The following HNRNPM variants were observed in gnomAD, a reference collection of about 807,000 sequenced individuals.
HNRNPM encodes the protein heterogeneous nuclear ribonucleoprotein M.
In HNRNPM, 11 loss-of-function variants were observed where a neutral mutation model predicts 73.1. The ratio of observed to expected loss-of-function variants is 0.15; its 90% confidence interval spans 0.09 to 0.25. HNRNPM has a LOEUF of 0.25. Among genes scored for constraint, HNRNPM ranks in the 10% least tolerant of loss-of-function variants. The pLI is 1.00. For synonymous variants in HNRNPM, 407 were observed against 355.2 expected, an observed-to-expected ratio of 1.15 and a Z score of -1.64; for missense variants, 789 against 1,067.9, an observed-to-expected ratio of 0.74 and a Z score of 3.64.
chr19:8,455,477 G>C lies in HNRNPM; in HGVS notation c.186G>C (p.Glu62Asp). ...KNIKRGGNRF[E>D]PYANPTKRYR... ...TAAAAAGAGGAGGCAATCGCTTTGAGCCATATGCCAATCCAACTAAAAGAT... is the reference window on the plus strand; with the variant it reads ...TAAAAAGAGGAGGCAATCGCTTTGACCCATATGCCAATCCAACTAAAAGAT... The change falls in exon 2 of 16, where the codon GAG (glutamate) becomes GAC (aspartate). Residue 62 changes from glutamate (E) to aspartate (D), a missense_variant. Physicochemically the swap from Glu to Asp is conservative, Grantham distance 45. Transcript: ENST00000325495. 1 of 1,613,768 alleles carries C rather than the reference G, an allele frequency of 6.2e-7. No individual in the cohort carries two copies. Among genetic ancestry groups the C allele is most frequent in the Non-Finnish European group, 8.5e-7 (1 of 1,179,690 alleles).
rs767473903 is a variant in HNRNPM at position 8,462,595 on chromosome 19, A to G, written c.336+14A>G. 6.2e-7 allele frequency: 1 copy of G among 1,605,180 alleles called. No individual in the cohort carries two copies. Among genetic ancestry groups the G allele is most frequent in the Non-Finnish European group, 8.5e-7 (1 of 1,171,786 alleles). On this transcript the variant is annotated intron_variant, in intron 3 of 15. Coordinates refer to ENST00000325495, the MANE Select transcript of HNRNPM (RefSeq NM_005968.5). The surrounding 1 kb of genome is among the most constrained non-coding windows in gnomAD (Gnocchi z 4.5). ...GGAAAGTCAAGGGTAAGTGTCTGAG[A>G]GAATTTCTTCTGTGGATTTACTACA... is the stretch of plus-strand genomic sequence containing the variant.
chr19:8,485,540 C>T (rs1337092246), intron 13 of HNRNPM, 63 bp from the exon 14 acceptor site: 13 of 1,490,468 alleles, frequency 8.7e-6, no homozygotes, highest in Admixed American at 5.3e-5. Context: ...AGTGGTCTGG[C>T]GTGTTGTGCA....
At chr19:8,467,823 G>A (rs73000664) in intron 8 of HNRNPM, among the ~76,000 whole-genome samples, 24,896 of 152,022 alleles carry the variant, frequency 0.16, 2,694 homozygotes, top group East Asian at 0.46. Context: ...TCAGCAGTTC[G>A]ACACCAGCCT....
intron 10 of HNRNPM, among the ~76,000 whole-genome samples, chr19:8,473,286 A>G (rs192282203): frequency 1.3e-5 from 2 of 152,070 alleles, no homozygotes; most frequent in African/African-American, 4.8e-5. Context: ...TGGGTCATTA[A>G]AGTATGTAGA....
At chr19:8,463,948 C>G in intron 5 of HNRNPM, 1 of 414,426 alleles carries the variant, frequency 2.4e-6, no homozygotes, top group South Asian at 3.4e-5. Context: ...CTCAGGGACT[C>G]TCAAACCATG....
chr19:8,477,750 A>G (rs1213785897), intron 12 of HNRNPM, among the ~76,000 whole-genome samples: 1 of 151,538 alleles, frequency 6.6e-6, no homozygotes, highest in Non-Finnish European at 1.5e-5. Flanking sequence ...AGATGCAGCC[A>G]CTGCAGTTGT....
intron 10 of HNRNPM, among the ~76,000 whole-genome samples, chr19:8,471,784 G>T (rs367914926): frequency 2.0e-5 from 3 of 152,100 alleles, no homozygotes. Flanking sequence ...TAGCACTGCC[G>T]CAGTGCCCTG....
chr19:8,474,241 A>G lies in HNRNPM; in HGVS notation c.1117A>G (p.Asn373Asp). The G allele has an allele frequency of 6.3e-7, 1 of 1,581,914 alleles. No individual in the cohort carries two copies. Among genetic ancestry groups the G allele is most frequent in the Admixed American group, 1.8e-5 (1 of 54,100 alleles). The change falls in exon 12 of 16, where the codon AAT becomes GAT. Residue 373 changes from asparagine to aspartate, a missense_variant. Transcript: ENST00000325495. ...ATCTGGGATGAACATGGGCAGGATA[A>G]ATGGTAAGCATCGTGTTTTCTTCCT... Reference protein sequence around the residue: ...FGSGMNMGRINEILSNALKRG... With the variant: ...FGSGMNMGRIDEILSNALKRG...
chr19:8,479,554 C>T (rs1291185889), intron 12 of HNRNPM, among the ~76,000 whole-genome samples: 7 of 151,984 alleles, frequency 4.6e-5, no homozygotes, highest in African/African-American at 1.7e-4. Flanking sequence ...CAGGCTGAAG[C>T]AATCCTCCTA....
rs1461589442 is a variant in HNRNPM at position 8,463,360 on chromosome 19, G to C, written c.337-137G>C. ...ACTTCTGTCAGCTTCCCCTTAGAAG[G>C]GTTCATTTTAAAAGACTAACTTTGT... is the stretch of plus-strand genomic sequence containing the variant. On this transcript the variant is annotated intron_variant, in intron 3 of 15. Coordinates refer to ENST00000325495, the MANE Select transcript of HNRNPM (RefSeq NM_005968.5). 29 of 965,968 alleles carry C rather than the reference G, an allele frequency of 3.0e-5. No homozygotes were observed. In the East Asian group the frequency reaches 6.7e-4, roughly 22 times the overall value. The allele number at this position is 965,968 out of a possible 1,614,324, so 59.8% of individuals were successfully genotyped here. A position where few individuals can be genotyped will look rare whatever the true frequency, so the allele number is the denominator to read the frequency against.
intron 12 of HNRNPM, among the ~76,000 whole-genome samples, chr19:8,479,101 T>TC (rs1568294282): frequency 2.1e-5 from 3 of 143,350 alleles, no homozygotes; most frequent in African/African-American, 8.3e-5. Flanking sequence ...TTTTTTTTTT[T>TC]TCAAGACAGA....
At chr19:8,488,462 A>C in intron 15 of HNRNPM, 1 of 418,108 alleles carries the variant, frequency 2.4e-6, no homozygotes, top group African/African-American at 2.0e-5. Flanking sequence ...AACTTCCTGA[A>C]GCGTAAAGGC....
intron 12 of HNRNPM, among the ~76,000 whole-genome samples, chr19:8,480,668 T>TA (rs774783310): frequency 0.014 from 1,872 of 137,644 alleles, 42 homozygotes; most frequent in African/African-American, 0.041. Flanking sequence ...GTCTCAAAAT[T>TA]AAAAAAAAAA....
At chr19:8,446,366 C>T (rs1053791463) in intron 1 of HNRNPM, among the ~76,000 whole-genome samples, 1 of 152,166 alleles carries the variant, frequency 6.6e-6, no homozygotes, top group African/African-American at 2.4e-5. Context: ...ATGTGTGAAG[C>T]TTAGTTTATG....
chr19:8,484,052 C>T (rs1004376093), intron 13 of HNRNPM, among the ~76,000 whole-genome samples: 6 of 152,168 alleles, frequency 3.9e-5, no homozygotes, highest in African/African-American at 1.4e-4. Flanking sequence ...TGAGCCACCA[C>T]ACCTGGCCCA....
chr19:8,460,265 T>C (rs1260193261), intron 2 of HNRNPM, among the ~76,000 whole-genome samples: 1 of 151,990 alleles, frequency 6.6e-6, no homozygotes, highest in African/African-American at 2.4e-5. Context: ...AAAAGGGAGG[T>C]GGTCTTTTAA....
chr19:8,471,096 G>T, intron 9 of HNRNPM, among the ~76,000 whole-genome samples: 1 of 151,826 alleles, frequency 6.6e-6, no homozygotes, highest in East Asian at 1.9e-4. Context: ...TAACTTTCCC[G>T]TGTTGGTTTT....
chr19:8,472,128 A>C (rs1970188130), intron 10 of HNRNPM, among the ~76,000 whole-genome samples: 1 of 149,926 alleles, frequency 6.7e-6, no homozygotes, highest in African/African-American at 2.5e-5. Context: ...CTGAGATCAC[A>C]TGACTGCACT....
At chr19:8,468,479 A>G (rs1969908574) in intron 8 of HNRNPM, among the ~76,000 whole-genome samples, 1 of 152,186 alleles carries the variant, frequency 6.6e-6, no homozygotes, top group South Asian at 2.1e-4. Flanking sequence ...TAGATGATAG[A>G]TTCACGTGAC....
Sources: allele counts gnomAD v4.1 joint callset (sites outside exome capture counted in the v4.1 genomes callset), GRCh38; gene constraint gnomAD v4.1.1; non-coding constraint Gnocchi (gnomAD v3.1); transcripts MANE v1.5; gene names NCBI Gene and HGNC (gene_info 2026-07-23, HGNC 2026-07-21).